HIPK2: variants seen among roughly 807,000 people sequenced by gnomAD.
HIPK2 encodes homeodomain-interacting protein kinase 2.
A neutral mutation model predicts 113.7 loss-of-function variants in HIPK2; 27 were observed. That is an observed-to-expected ratio of 0.24 (90% confidence interval 0.17 to 0.33). The LOEUF (loss-of-function observed/expected upper bound fraction) is 0.33. Ranked by LOEUF, HIPK2 falls within the 10% of genes least tolerant of loss-of-function variation. The pLI is 1.00. For missense variants in HIPK2, 1,257 were observed against 1,588.0 expected (o/e 0.79, Z 3.54); for synonymous variants, 631 against 642.2 (o/e 0.98, Z 0.26).
At chr7:139,586,265 C>T (rs116431520) in intron 12 of HIPK2, among the ~76,000 whole-genome samples, 3,066 of 152,246 alleles carry the variant, frequency 0.02, 105 homozygotes, top group African/African-American at 0.071. Flanking sequence ...GCTTGTTCCT[C>T]AAAAAGCTAA....
chr7:139,625,849 G>T (rs73156859), intron 6 of HIPK2, among the ~76,000 whole-genome samples: 1 of 152,170 alleles, frequency 6.6e-6, no homozygotes, highest in African/African-American at 2.4e-5. Flanking sequence ...CACACAGCAC[G>T]CTGAAGAAAT....
At chr7:139,710,704 T>C (rs1307922239) in intron 2 of HIPK2, among the ~76,000 whole-genome samples, 1 of 152,184 alleles carries the variant, frequency 6.6e-6, no homozygotes, top group Non-Finnish European at 1.5e-5. Flanking sequence ...ATGGTTTGGA[T>C]CTGTGTCCCT....
intron 1 of HIPK2, among the ~76,000 whole-genome samples, chr7:139,746,295 C>A (rs1240439468): frequency 6.6e-6 from 1 of 152,222 alleles, no homozygotes; most frequent in Non-Finnish European, 1.5e-5. Flanking sequence ...CCCTAGCCAC[C>A]TTTCCAAATC....
At chr7:139,684,857 C>A (rs1489214409) in intron 2 of HIPK2, among the ~76,000 whole-genome samples, 2 of 152,156 alleles carry the variant, frequency 1.3e-5, no homozygotes, top group African/African-American at 4.8e-5. Flanking sequence ...AGTAAAATGG[C>A]CTTACTGCTG....
At chr7:139,774,201 T>G (rs1796701550) in intron 1 of HIPK2, among the ~76,000 whole-genome samples, 2 of 152,226 alleles carry the variant, frequency 1.3e-5, no homozygotes, top group Admixed American at 1.3e-4. Flanking sequence ...TCATCATGTC[T>G]GTAAGCATCT....
intron 2 of HIPK2, among the ~76,000 whole-genome samples, chr7:139,662,617 CTTTTT>C (rs373566905): frequency 6.0e-5 from 8 of 133,624 alleles, no homozygotes; most frequent in Non-Finnish European, 6.3e-5. Flanking sequence ...TAAAACACCA[CTTTTT>C]TTTTTTTTTT....
chr7:139,661,329 C>T (rs548175249), intron 2 of HIPK2, among the ~76,000 whole-genome samples: 117 of 152,336 alleles, frequency 7.7e-4, no homozygotes, highest in South Asian at 2.5e-3. Context: ...TTGCTCTCCA[C>T]TGGTGAGCTG....
chr7:139,732,349 C>T (rs1569482491), intron 1 of HIPK2, among the ~76,000 whole-genome samples: 1 of 152,184 alleles, frequency 6.6e-6, no homozygotes, highest in Non-Finnish European at 1.5e-5. Flanking sequence ...CAAGCCAGTC[C>T]TGGCGTTATT....
intron 1 of HIPK2, among the ~76,000 whole-genome samples, chr7:139,760,166 C>A (rs1796441214): frequency 6.6e-6 from 1 of 152,096 alleles, no homozygotes; most frequent in African/African-American, 2.4e-5. Flanking sequence ...CCACGCCCAG[C>A]TAATTTTTTT....
intron 13 of HIPK2, among the ~76,000 whole-genome samples, chr7:139,575,686 A>G (rs1798467596): frequency 6.6e-6 from 1 of 152,212 alleles, no homozygotes; most frequent in Non-Finnish European, 1.5e-5. Flanking sequence ...TTGTGTTAGA[A>G]ACTTAGTCCC....
intron 1 of HIPK2, among the ~76,000 whole-genome samples, chr7:139,724,650 T>G (rs1318191012): frequency 6.6e-6 from 1 of 151,284 alleles, no homozygotes; most frequent in Non-Finnish European, 1.5e-5. Flanking sequence ...CATTTAGCAT[T>G]AGGTATATCT....
chr7:139,603,620 C>T (rs1464406147), intron 10 of HIPK2, among the ~76,000 whole-genome samples: 1 of 152,110 alleles, frequency 6.6e-6, no homozygotes, highest in Non-Finnish European at 1.5e-5. Flanking sequence ...CAAGCCATCC[C>T]GTGGGAGGTC....
chr7:139,688,500 G>C (rs556155752), intron 2 of HIPK2, among the ~76,000 whole-genome samples: 1 of 152,184 alleles, frequency 6.6e-6, no homozygotes, highest in African/African-American at 2.4e-5. Flanking sequence ...CCAATGTCAA[G>C]GGCCAAAAGG....
At chr7:139,744,948 G>A (rs887488195) in intron 1 of HIPK2, among the ~76,000 whole-genome samples, 6 of 152,312 alleles carry the variant, frequency 3.9e-5, no homozygotes, top group African/African-American at 1.4e-4. Flanking sequence ...GCGGCATCTC[G>A]CCAAATCCCT....
At chr7:139,703,912 A>G in intron 2 of HIPK2, among the ~76,000 whole-genome samples, 1 of 131,830 alleles carries the variant, frequency 7.6e-6, no homozygotes, top group African/African-American at 2.9e-5. Context: ...ACTACACCCA[A>G]CACATACAAC....
chr7:139,579,049 G>A (rs562808821), intron 13 of HIPK2, among the ~76,000 whole-genome samples: 3 of 152,316 alleles, frequency 2.0e-5, no homozygotes, highest in South Asian at 2.1e-4. Context: ...ACTGAAAAGC[G>A]TAAGGAAGCC....
At chr7:139,732,776 T>A (rs1320171161) in intron 1 of HIPK2, among the ~76,000 whole-genome samples, 4 of 148,150 alleles carry the variant, frequency 2.7e-5, no homozygotes, top group Non-Finnish European at 5.9e-5. Context: ...ATATTATATA[T>A]GACATTATAT....
chr7:139,751,399 A>C (rs1156647724), intron 1 of HIPK2, among the ~76,000 whole-genome samples: 8 of 152,250 alleles, frequency 5.3e-5, no homozygotes, highest in African/African-American at 1.9e-4. Flanking sequence ...AATCCTGGCT[A>C]GTCTAAGCTA....
intron 5 of HIPK2, among the ~76,000 whole-genome samples, chr7:139,628,733 C>T (rs763656225): frequency 6.6e-6 from 1 of 152,190 alleles, no homozygotes; most frequent in Admixed American, 6.5e-5. Flanking sequence ...CATGCCTGGC[C>T]AACTGGAACG....
Sources: gnomAD v4.1 joint callset for allele counts (sites outside exome capture counted in the v4.1 genomes callset) on GRCh38, gnomAD v4.1.1 for gene constraint, MANE v1.5 for transcripts, NCBI Gene and HGNC (gene_info 2026-07-23, HGNC 2026-07-21) for gene names.